ASTN1: variants seen among roughly 807,000 people sequenced by gnomAD.
ASTN1 encodes the protein astrotactin 1.
ASTN1 carries 41 observed loss-of-function variants against 140.7 expected under a neutral mutation model. The observed-to-expected ratio is 0.29, with a 90% CI of 0.23 to 0.38. The LOEUF is 0.38. Among genes scored for constraint, ASTN1 ranks in the 10% least tolerant of loss-of-function variants. ASTN1 has a pLI of 1.00. For missense variants in ASTN1, 1,479 were observed against 1,678.8 expected (o/e 0.88, Z 2.08); for synonymous variants, 640 against 652.2 (o/e 0.98, Z 0.29).
chr1:176,887,059 C>T (rs1033793319), intron 18 of ASTN1, among the ~76,000 whole-genome samples: 17 of 152,118 alleles, frequency 1.1e-4, no homozygotes, highest in African/African-American at 3.9e-4. Context: ...ACCTTTGTAG[C>T]ACTTCATCCT....
chr1:176,944,588 C>T (rs899666657), intron 13 of ASTN1, among the ~76,000 whole-genome samples: 2 of 152,126 alleles, frequency 1.3e-5, no homozygotes, highest in Non-Finnish European at 2.9e-5. Flanking sequence ...TCTTTCTGAA[C>T]CAAGAAGTTC....
chr1:176,903,467 A>G (rs1669854309), intron 16 of ASTN1, among the ~76,000 whole-genome samples: 1 of 151,970 alleles, frequency 6.6e-6, no homozygotes, highest in Non-Finnish European at 1.5e-5. Flanking sequence ...GTGAGGATGT[A>G]CCCCTCTGCA....
intron 1 of ASTN1, among the ~76,000 whole-genome samples, chr1:177,152,846 A>G (rs35840613): frequency 0.2 from 30,195 of 152,168 alleles, 3,968 homozygotes; most frequent in Non-Finnish European, 0.29. Flanking sequence ...AATTTTAATA[A>G]TTAACACAAT....
At chr1:177,026,742 C>T (rs748075245) in intron 5 of ASTN1, among the ~76,000 whole-genome samples, 91 of 152,190 alleles carry the variant, frequency 6.0e-4, no homozygotes, top group Non-Finnish European at 1.0e-3. Context: ...TTTTGATTTG[C>T]GTTTCTCTCA....
intron 14 of ASTN1, among the ~76,000 whole-genome samples, chr1:176,942,156 C>T (rs546615786): frequency 6.6e-6 from 1 of 151,982 alleles, no homozygotes; most frequent in African/African-American, 2.4e-5. Context: ...TTTATTTATT[C>T]AACACACATA....
intron 16 of ASTN1, among the ~76,000 whole-genome samples, chr1:176,895,343 T>C (rs1375538172): frequency 6.6e-6 from 1 of 152,200 alleles, no homozygotes; most frequent in Admixed American, 6.5e-5. Flanking sequence ...GTGAGATCCA[T>C]TCAAGGTCTA....
intron 1 of ASTN1, among the ~76,000 whole-genome samples, chr1:177,068,253 A>G (rs568640331): frequency 6.6e-6 from 1 of 152,288 alleles, no homozygotes; most frequent in East Asian, 1.9e-4. Flanking sequence ...TTCTCCAAAC[A>G]GGCTTGAGCA....
Position 177,124,616 on chromosome 1 carries a change from A to G in ASTN1, c.283+39778T>C, listed in dbSNP as rs74127299. Among the ~76,000 whole-genome samples the G allele has an allele frequency of 5.8e-3, 885 of 152,318 alleles. 13 individuals are homozygous for G. Among genetic ancestry groups the G allele is most frequent in the African/African-American group, 0.021 (853 of 41,568 alleles). ...GAAGCATTTTGCTAACAGCTACCAC[A>G]GAAGCCACTGCCCAGAGGAACAAAG... On this transcript the variant is annotated intron_variant, in intron 1 of 22. Transcript: ENST00000361833.
At chr1:177,083,892 G>C (rs192203610) in intron 1 of ASTN1, among the ~76,000 whole-genome samples, 3 of 152,062 alleles carry the variant, frequency 2.0e-5, no homozygotes, top group African/African-American at 7.2e-5. Context: ...AGGTCTCTAG[G>C]GATAGACGTT....
chr1:177,032,561 G>C lies in ASTN1; in HGVS notation c.760C>G (p.Gln254Glu). 1.9e-6 allele frequency: 3 copies of C among 1,614,186 alleles called. No homozygotes were observed. Among genetic ancestry groups the C allele is most frequent in the Non-Finnish European group, 2.5e-6 (3 of 1,180,032 alleles). The change falls in exon 3 of 23, where the codon CAG (glutamine) becomes GAG (glutamate). Residue 254 changes from glutamine (Q) to glutamate (E), a missense_variant. This residue lies in a region of ASTN1 where 729 missense variants were observed against 860.4 expected (regional missense o/e 0.85). Transcript: ENST00000361833. ...YDITDLRHHL[Q>E]RECMNGGEDF... is the part of the protein sequence containing the mutation. ...TCCCCTCCGTTCATGCACTCCCTCTGCAGATGGTGGCGCAGATCAGTGATG... is the reference window on the plus strand; with the variant it reads ...TCCCCTCCGTTCATGCACTCCCTCTCCAGATGGTGGCGCAGATCAGTGATG...
At chr1:177,116,581 G>T (rs960281668) in intron 1 of ASTN1, among the ~76,000 whole-genome samples, 1 of 152,034 alleles carries the variant, frequency 6.6e-6, no homozygotes, top group South Asian at 2.1e-4. Flanking sequence ...ACTTCTTAAA[G>T]AAGCATTCTA....
At chr1:176,908,903 A>T (rs1670110694) in intron 16 of ASTN1, among the ~76,000 whole-genome samples, 1 of 152,240 alleles carries the variant, frequency 6.6e-6, no homozygotes, top group Admixed American at 6.5e-5. Context: ...AGTAGTAAAT[A>T]AAGGCTAAAT....
At chr1:176,975,095 G>A (rs149498860) in intron 8 of ASTN1, among the ~76,000 whole-genome samples, 110 of 152,330 alleles carry the variant, frequency 7.2e-4, no homozygotes, top group Middle Eastern at 6.8e-3. Flanking sequence ...GAGAACTGTA[G>A]TTTCCCTGTA....
chr1:176,929,924 C>T (rs893628115), intron 16 of ASTN1, among the ~76,000 whole-genome samples: 17 of 152,110 alleles, frequency 1.1e-4, no homozygotes, highest in Admixed American at 4.6e-4. Flanking sequence ...AGGAGAATGG[C>T]GTGAACCCAG....
At chr1:177,031,945 G>A (rs954946181) in intron 3 of ASTN1, among the ~76,000 whole-genome samples, 3 of 152,012 alleles carry the variant, frequency 2.0e-5, no homozygotes, top group East Asian at 3.9e-4. Context: ...CATTTTCTTT[G>A]AAGAAGTGCA....
intron 16 of ASTN1, among the ~76,000 whole-genome samples, chr1:176,902,675 T>A (rs1669819419): frequency 6.6e-6 from 1 of 152,192 alleles, no homozygotes; most frequent in Admixed American, 6.5e-5. Flanking sequence ...CCATTTGGAA[T>A]GAGAGGTTGG....
chr1:177,158,688 GTGTGTA>G (rs991171713), intron 1 of ASTN1, among the ~76,000 whole-genome samples: 3 of 149,942 alleles, frequency 2.0e-5, no homozygotes, highest in East Asian at 1.9e-4. Context: ...GTGTGTGTGT[GTGTGTA>G]TGATATATAT....
chr1:177,127,371 G>A (rs1049326334), intron 1 of ASTN1, among the ~76,000 whole-genome samples: 11 of 152,080 alleles, frequency 7.2e-5, no homozygotes, highest in Middle Eastern at 6.8e-3. Flanking sequence ...TTTTTATTCC[G>A]AGAAGCACTC....
intron 1 of ASTN1, among the ~76,000 whole-genome samples, chr1:177,148,500 G>A (rs1420496149): frequency 1.3e-5 from 2 of 152,008 alleles, no homozygotes; most frequent in Non-Finnish European, 2.9e-5. Context: ...CAGTCATAGA[G>A]TCTTTTTATG....
Sources: gnomAD v4.1 joint callset for allele counts (sites outside exome capture counted in the v4.1 genomes callset) on GRCh38, gnomAD v4.1.1 for gene constraint, gnomAD v4.1.1 regional missense constraint, MANE v1.5 for transcripts, NCBI Gene and HGNC (gene_info 2026-07-23, HGNC 2026-07-21) for gene names.